Variants in RPS6KC1 observed in about 807,000 individuals in gnomAD.
The protein encoded by RPS6KC1 is inactive ribosomal protein S6 kinase delta-1.
In RPS6KC1, 54 loss-of-function variants were observed where a neutral mutation model predicts 103.8. The ratio of observed to expected loss-of-function variants is 0.52; its 90% confidence interval spans 0.42 to 0.65. RPS6KC1 has a LOEUF of 0.65. Ranked by LOEUF, RPS6KC1 falls within the 30% of genes least tolerant of loss-of-function variation. The pLI is 0.00. For synonymous variants in RPS6KC1, 439 were observed against 438.7 expected, an observed-to-expected ratio of 1.00 and a Z score of -0.01; for missense variants, 1,151 against 1,253.8, an observed-to-expected ratio of 0.92 and a Z score of 1.24.
At chr1:213,710,672 T>TGCTTTTCCA in the RPS6KC1 span, among the ~76,000 whole-genome samples, 1 of 152,334 alleles carries the variant, frequency 6.6e-6, no homozygotes, top group South Asian at 2.1e-4. Context: ...TTTTCCATAT[T>TGCTTTTCCA]TAGTGCTTCC....
At chr1:213,496,064 A>G in the RPS6KC1 span, among the ~76,000 whole-genome samples, 5 of 152,202 alleles carry the variant, frequency 3.3e-5, no homozygotes, top group South Asian at 2.1e-4. Flanking sequence ...CAGTTAGGGA[A>G]ATACACACTT....
the RPS6KC1 span, among the ~76,000 whole-genome samples, chr1:213,301,826 C>G: frequency 5.9e-5 from 9 of 152,048 alleles, no homozygotes; most frequent in Admixed American, 5.9e-4. Context: ...ACCTCCACCT[C>G]CTAGGTTCAA....
At chr1:213,731,342 A>G in the RPS6KC1 span, 1 of 152,318 alleles carries the variant, frequency 6.6e-6, no homozygotes, top group Non-Finnish European at 1.5e-5. Flanking sequence ...TGGGGAGTAT[A>G]GTCACTTTAA....
intron 8 of RPS6KC1, among the ~76,000 whole-genome samples, chr1:213,178,147 C>G (rs2092007361): frequency 6.6e-6 from 1 of 151,198 alleles, no homozygotes; most frequent in Non-Finnish European, 1.5e-5. Flanking sequence ...GGTCATGCCT[C>G]TGCACTCCAG....
At chr1:213,544,455 A>G in the RPS6KC1 span, among the ~76,000 whole-genome samples, 1 of 152,208 alleles carries the variant, frequency 6.6e-6, no homozygotes, top group Non-Finnish European at 1.5e-5. Flanking sequence ...ATAAAACCCT[A>G]GAATGTGTCT....
intron 14 of RPS6KC1, among the ~76,000 whole-genome samples, 188 bp from the exon 15 acceptor site, chr1:213,272,334 GGT>G: frequency 6.6e-6 from 1 of 152,230 alleles, no homozygotes; most frequent in South Asian, 2.1e-4. Flanking sequence ...ACTCAGTTCA[GGT>G]GTCTCTCACA....
chr1:213,414,570 A>G, the RPS6KC1 span, among the ~76,000 whole-genome samples: 1 of 152,106 alleles, frequency 6.6e-6, no homozygotes, highest in African/African-American at 2.4e-5. Context: ...CACGGGGCAT[A>G]TTGTCCCACA....
the RPS6KC1 span, among the ~76,000 whole-genome samples, chr1:213,383,745 CT>C: frequency 6.6e-6 from 1 of 151,830 alleles, no homozygotes; most frequent in Non-Finnish European, 1.5e-5. Context: ...ACCCCCACCC[CT>C]ACCCTTCCCT....
chr1:213,137,801 T>G (rs75741532), intron 6 of RPS6KC1, among the ~76,000 whole-genome samples: 1 of 52,424 alleles, frequency 1.9e-5, no homozygotes, highest in Non-Finnish European at 3.5e-5. Context: ...ATATATATAT[T>G]TTTTTTTTTT....
intron 1 of RPS6KC1, among the ~76,000 whole-genome samples, chr1:213,056,809 A>G (rs1230440066): frequency 2.0e-5 from 3 of 148,546 alleles, no homozygotes; most frequent in Admixed American, 1.3e-4. Context: ...TGTCTTGGCA[A>G]TCTCTGCTCA....
At chr1:213,055,027 G>A (rs775562015) in intron 1 of RPS6KC1, among the ~76,000 whole-genome samples, 63 of 152,132 alleles carry the variant, frequency 4.1e-4, no homozygotes, top group Admixed American at 8.5e-4. Flanking sequence ...AGTATAAAAG[G>A]TATGTTTTTA....
At chr1:213,792,961 T>C in the RPS6KC1 span, among the ~76,000 whole-genome samples, 1 of 152,092 alleles carries the variant, frequency 6.6e-6, no homozygotes, top group South Asian at 2.1e-4. Flanking sequence ...ATGCCCTTAA[T>C]GGACTTGGTT....
chr1:213,792,343 A>G, the RPS6KC1 span, among the ~76,000 whole-genome samples: 1 of 152,144 alleles, frequency 6.6e-6, no homozygotes, highest in Non-Finnish European at 1.5e-5. Flanking sequence ...CCTTCTCTCT[A>G]TTCCTTCTCT....
chr1:213,591,898 A>G, the RPS6KC1 span, among the ~76,000 whole-genome samples: 5,559 of 152,246 alleles, frequency 0.037, 328 homozygotes, highest in East Asian at 0.27. Flanking sequence ...ACCTGTGTCA[A>G]TCAGTTAGTC....
chr1:213,076,891 CAAG>C (rs1196673051), intron 2 of RPS6KC1, among the ~76,000 whole-genome samples: 1 of 148,532 alleles, frequency 6.7e-6, no homozygotes. Flanking sequence ...TTTTTTGAGA[CAAG>C]AGTCTTACTC....
chr1:213,104,082 T>C (rs1053265580), intron 3 of RPS6KC1, among the ~76,000 whole-genome samples: 1 of 152,214 alleles, frequency 6.6e-6, no homozygotes, highest in Non-Finnish European at 1.5e-5. Context: ...GGGAAAATTA[T>C]ATGAGTAATT....
the RPS6KC1 span, among the ~76,000 whole-genome samples, chr1:213,602,028 C>CTTTCTCTTTCTTTCTT: frequency 8.4e-5 from 1 of 11,898 alleles, no homozygotes; most frequent in Non-Finnish European, 2.0e-4. Context: ...TTCTTTCTTT[C>CTTTCTCTTTCTTTCTT]TCTTTCTCTT....
the RPS6KC1 span, among the ~76,000 whole-genome samples, chr1:213,761,822 G>A: frequency 6.6e-6 from 1 of 152,212 alleles, no homozygotes; most frequent in African/African-American, 2.4e-5. Flanking sequence ...TGGGTGAAAA[G>A]GTGTCTCAGA....
At chr1:213,639,866 A>G in the RPS6KC1 span, among the ~76,000 whole-genome samples, 9,486 of 149,840 alleles carry the variant, frequency 0.063, 601 homozygotes, top group East Asian at 0.29. Context: ...TTTTTTTTTC[A>G]TGTACTGTCT....
Sources: allele counts gnomAD v4.1 joint callset (sites outside exome capture counted in the v4.1 genomes callset), GRCh38; gene constraint gnomAD v4.1.1; transcripts MANE v1.5; gene names NCBI Gene and HGNC (gene_info 2026-07-23, HGNC 2026-07-21).